DCUN1D4: variants seen among roughly 807,000 people sequenced by gnomAD.
DCUN1D4 encodes defective in cullin neddylation 1 domain containing 4.
DCUN1D4 carries 22 observed loss-of-function variants against 47.9 expected under a neutral mutation model. The ratio of observed to expected loss-of-function variants is 0.46; its 90% CI spans 0.33 to 0.66. The LOEUF (loss-of-function observed/expected upper bound fraction) is 0.66, where lower values mean the gene tolerates loss of function less well. DCUN1D4 is among the 30% of genes least tolerant of loss of function. The probability of loss-of-function intolerance (pLI) is 0.02; values close to 1 mark genes in which losing one functional copy is unlikely to be tolerated. For missense variants in DCUN1D4, 301 were observed against 340.8 expected, an observed-to-expected ratio of 0.88 and a Z score of 0.92; for synonymous variants, 121 against 112.2, an observed-to-expected ratio of 1.08 and a Z score of -0.50.
chr4:51,910,043 G>A (rs932630566), intron 8 of DCUN1D4, among the ~76,000 whole-genome samples: 2 of 152,186 alleles, frequency 1.3e-5, no homozygotes, highest in African/African-American at 4.8e-5. Flanking sequence ...TAGGGTGGTG[G>A]TCACAGCATC....
chr4:51,848,802 T>C (rs917585129), intron 1 of DCUN1D4, among the ~76,000 whole-genome samples: 13 of 152,240 alleles, frequency 8.5e-5, no homozygotes, highest in Non-Finnish European at 1.9e-4. Context: ...CAGAAAATGC[T>C]GTTAATGAGT....
chr4:51,871,233 C>T (rs1726847306), intron 3 of DCUN1D4, among the ~76,000 whole-genome samples: 1 of 151,574 alleles, frequency 6.6e-6, no homozygotes, highest in Non-Finnish European at 1.5e-5. Flanking sequence ...AGTAACTTTT[C>T]CACAGACACA....
intron 8 of DCUN1D4, chr4:51,905,213 A>G: frequency 2.2e-6 from 1 of 455,552 alleles, no homozygotes; most frequent in South Asian, 1.6e-5. Flanking sequence ...TGAGAGCTGA[A>G]AGGATCCTCA....
intron 7 of DCUN1D4, among the ~76,000 whole-genome samples, chr4:51,895,666 C>A (rs1354984041): frequency 1.3e-5 from 2 of 150,744 alleles, no homozygotes; most frequent in Admixed American, 1.3e-4. Flanking sequence ...GGGGCCTTTT[C>A]CTGGGTAATA....
At chr4:51,887,214 G>A in intron 6 of DCUN1D4, 1 of 410,900 alleles carries the variant, frequency 2.4e-6, no homozygotes, top group South Asian at 1.8e-5. Flanking sequence ...GATTTCCCCT[G>A]CCTCAGCCTC....
At chr4:51,871,189 C>A (rs1183400881) in intron 3 of DCUN1D4, among the ~76,000 whole-genome samples, 2 of 147,800 alleles carry the variant, frequency 1.4e-5, no homozygotes, top group African/African-American at 2.5e-5. Flanking sequence ...TAATAAATGA[C>A]AGAATCACTG....
At chr4:51,874,718 C>T in intron 4 of DCUN1D4, 1 of 214,224 alleles carries the variant, frequency 4.7e-6, no homozygotes, top group Non-Finnish European at 9.4e-6. Context: ...GTTCTTTAAG[C>T]AGGTCTCACT....
intron 8 of DCUN1D4, among the ~76,000 whole-genome samples, chr4:51,909,152 C>G (rs1733334282): frequency 6.6e-6 from 1 of 151,922 alleles, no homozygotes; most frequent in African/African-American, 2.4e-5. Context: ...TTTTTTGTCA[C>G]CTTAGTGTAT....
At chr4:51,834,080 CTCTCTCT>C in the DCUN1D4 span, among the ~76,000 whole-genome samples, 24 of 69,020 alleles carry the variant, frequency 3.5e-4, no homozygotes, top group East Asian at 9.4e-4. Flanking sequence ...CTCTCTCTCT[CTCTCTCT>C]TTTCTTTTCT....
chr4:51,850,893 G>C (rs1483592064), intron 1 of DCUN1D4, among the ~76,000 whole-genome samples: 2 of 152,128 alleles, frequency 1.3e-5, no homozygotes, highest in African/African-American at 4.8e-5. Context: ...CAGAAGCTCA[G>C]AGTGGGGAGC....
intron 1 of DCUN1D4, chr4:51,843,648 G>T (rs1362445646): frequency 1.5e-4 from 192 of 1,254,616 alleles, no homozygotes; most frequent in Non-Finnish European, 1.9e-4. Context: ...GGGTGGCACC[G>T]GCGGGGAGAG....
chr4:51,897,859 T>G (rs1731505317), intron 7 of DCUN1D4, among the ~76,000 whole-genome samples: 1 of 152,230 alleles, frequency 6.6e-6, no homozygotes, highest in South Asian at 2.1e-4. Flanking sequence ...TAACAGATTA[T>G]AACACACTGA....
Position 51,913,547 on chromosome 4 carries a change from A to C in DCUN1D4, c.842A>C (p.Glu281Ala). Reference sequence around the variant, plus strand: ...TCTCCAGGGCCAGTTTTGTTGGACGAGTTTGTGGAGTGGTATAAAGACAAA... The same window carrying C: ...TCTCCAGGGCCAGTTTTGTTGGACGCGTTTGTGGAGTGGTATAAAGACAAA... ...EDGAWPVLLD[E>A]FVEWYKDKQM... Residue 281 changes from glutamate (E) to alanine (A), a missense_variant, in exon 11 of 11, where the codon GAG becomes GCG. By Grantham distance (107) the Glu-to-Ala change is moderately radical. This residue lies in a region of DCUN1D4 where 170 missense variants were observed against 234.5 expected (regional missense o/e 0.73). Transcript: ENST00000334635. 1 of 1,612,844 alleles carries C rather than the reference A, an allele frequency of 6.2e-7. No homozygotes were observed. The highest frequency in any genetic ancestry group is 8.5e-7 in the Non-Finnish European group (1 of 1,179,258).
chr4:51,896,539 C>T (rs949174539), intron 7 of DCUN1D4, among the ~76,000 whole-genome samples: 4 of 152,166 alleles, frequency 2.6e-5, no homozygotes, highest in African/African-American at 2.4e-5. Context: ...CCCAGTTTCC[C>T]TCCTCTTTGA....
At chr4:51,872,872 C>T (rs534097317) in intron 3 of DCUN1D4, among the ~76,000 whole-genome samples, 2 of 152,356 alleles carry the variant, frequency 1.3e-5, no homozygotes, top group South Asian at 2.1e-4. Flanking sequence ...CCGCCATGAG[C>T]GCAGTGCGCA....
At chr4:51,900,792 C>G (rs910739452) in intron 8 of DCUN1D4, among the ~76,000 whole-genome samples, 5 of 151,792 alleles carry the variant, frequency 3.3e-5, no homozygotes, top group Non-Finnish European at 7.4e-5. Flanking sequence ...CTCCCAAAGT[C>G]AGCTGTTTCT....
intron 7 of DCUN1D4, among the ~76,000 whole-genome samples, chr4:51,896,357 A>G (rs1731257399): frequency 6.6e-6 from 1 of 152,016 alleles, no homozygotes; most frequent in Non-Finnish European, 1.5e-5. Flanking sequence ...TCTTTTAACT[A>G]TGGGGTAGTT....
chr4:51,857,052 G>T (rs2109856783), intron 1 of DCUN1D4, among the ~76,000 whole-genome samples: 1 of 152,250 alleles, frequency 6.6e-6, no homozygotes, highest in African/African-American at 2.4e-5. Context: ...ATACCGTATT[G>T]TGAGATGCAC....
rs1721878377 is a variant in DCUN1D4 at position 51,843,274 on chromosome 4, A to T, written c.25+7A>T. On this transcript the variant is annotated splice_region_variant and intron_variant, in intron 1 of 10. Coordinates refer to ENST00000334635, the MANE Select transcript of DCUN1D4 (RefSeq NM_001040402.3). ...TCGGATGCCGCCGCTGTCAGTGAGT[A>T]GCAGAGAGCCAGCCAGCGGGCCGGG... 3.3e-6 allele frequency: 5 copies of T among 1,535,644 alleles called. No individual in the cohort carries two copies. Among genetic ancestry groups the T allele is most frequent in the African/African-American group, 2.8e-5 (2 of 71,454 alleles).
Sources: gnomAD v4.1 joint callset for allele counts (sites outside exome capture counted in the v4.1 genomes callset) on GRCh38, gnomAD v4.1.1 for gene constraint, gnomAD v4.1.1 regional missense constraint, MANE v1.5 for transcripts, NCBI Gene and HGNC (gene_info 2026-07-23, HGNC 2026-07-21) for gene names.